The following LACRT variants were observed in gnomAD, a reference collection of about 807,000 sequenced individuals.
LACRT encodes lacritin, also known as extracellular glycoprotein lacritin.
LACRT carries 14 observed loss-of-function variants against 14.5 expected under a neutral mutation model. The observed-to-expected ratio is 0.96, with a 90% CI of 0.64 to 1.51. The LOEUF (loss-of-function observed/expected upper bound fraction) is 1.51, where lower values mean the gene tolerates loss of function less well. Ranked by LOEUF, LACRT falls within the 40% of genes most tolerant of loss-of-function variation. The pLI is 0.00. For missense variants in LACRT, 156 were observed against 161.8 expected, an observed-to-expected ratio of 0.96 and a Z score of 0.19; for synonymous variants, 70 against 63.5, an observed-to-expected ratio of 1.10 and a Z score of -0.48.
At chr12:54,634,011 A>C (rs1958170861) in intron 1 of LACRT, among the ~76,000 whole-genome samples, 1 of 152,132 alleles carries the variant, frequency 6.6e-6, no homozygotes, top group Non-Finnish European at 1.5e-5. Flanking sequence ...CCTGATGTTC[A>C]AGGAACAGCA....
At chr12:54,632,533 T>A in intron 2 of LACRT, 152 bp from the exon 3 acceptor site, 1 of 894,280 alleles carries the variant, frequency 1.1e-6, no homozygotes, top group Non-Finnish European at 1.7e-6. Flanking sequence ...GGAGATAGCA[T>A]TTCTGCATGC....
chr12:54,632,431 C>G, intron 2 of LACRT, 50 bp from the exon 3 acceptor site: 2 of 1,605,750 alleles, frequency 1.2e-6, no homozygotes, highest in Non-Finnish European at 1.7e-6. Flanking sequence ...GTGTTTGTTT[C>G]TTTTGGAATG....
Position 54,632,347 on chromosome 12 carries a change from T to C in LACRT, c.147A>G (p.Glu49=). Residue 49 remains glutamate, a synonymous_variant, in exon 3 of 5, where the codon GAA becomes GAG. Transcript: ENST00000257867. The part of the protein sequence containing the change: ...KPNEEISGPA[E]PASPPETTTT... ...TGGTTGTCTCTGGGGGTGAAGCTGG[T>C]TCTGCTGGACCTGAGATCTCTTCAT... 6.2e-7 allele frequency: 1 copy of C among 1,614,132 alleles called. No individual in the cohort carries two copies. The highest frequency in any genetic ancestry group is 1.7e-5 in the Admixed American group (1 of 60,006).
chr12:54,632,198 G>A lies in LACRT; in HGVS notation c.253+43C>T, dbSNP rs1212407146. On this transcript the variant is annotated intron_variant, in intron 3 of 4. Transcript: ENST00000257867. Reference sequence around the variant, plus strand: ...GGTGTGATGTGGGCCTGCAGCCAGAGACTTTTCTAGGTTGTTGATCTGGCA... The same window carrying A: ...GGTGTGATGTGGGCCTGCAGCCAGAAACTTTTCTAGGTTGTTGATCTGGCA... 5.0e-6 allele frequency: 8 copies of A among 1,608,184 alleles called. No individual in the cohort carries two copies. In the African/African-American group the frequency reaches 5.4e-5, roughly 11 times the overall value.
chr12:54,634,845 T>G lies in LACRT; in HGVS notation c.-4A>C, dbSNP rs772393088. The G allele has an allele frequency of 8.7e-6, 14 of 1,612,242 alleles. No individual in the cohort carries two copies. Among genetic ancestry groups the G allele is most frequent in the Middle Eastern group, 1.7e-4 (1 of 6,050 alleles). On this transcript the variant is annotated 5_prime_UTR_variant, in exon 1 of 5. Coordinates refer to ENST00000257867, the MANE Select transcript of LACRT (RefSeq NM_033277.2). ...AGAGGAGAGTGGTAAATTTCATTCT[T>G]TGGGATGAGGAGTGAGTATAACCAC...
intron 1 of LACRT, among the ~76,000 whole-genome samples, chr12:54,633,803 G>C (rs1958169210): frequency 2.6e-5 from 4 of 152,182 alleles, no homozygotes; most frequent in Admixed American, 1.3e-4. Flanking sequence ...TGCTGGAAGG[G>C]AACGTGCAGC....
chr12:54,634,282 G>A (rs995775348), intron 1 of LACRT, among the ~76,000 whole-genome samples: 2 of 151,548 alleles, frequency 1.3e-5, no homozygotes, highest in Middle Eastern at 3.4e-3. Flanking sequence ...AACCCAGGAG[G>A]TGGATGTTGC....
intron 2 of LACRT, among the ~76,000 whole-genome samples, chr12:54,632,645 C>A (rs531440885): frequency 9.2e-5 from 14 of 152,134 alleles, no homozygotes; most frequent in African/African-American, 2.7e-4. Context: ...ATCTTGAAGG[C>A]AGGATGTTAG....
intron 3 of LACRT, 99 bp downstream of exon 3, chr12:54,632,142 G>A (rs1193822295): frequency 7.2e-7 from 1 of 1,396,794 alleles, no homozygotes; most frequent in African/African-American, 1.4e-5. Context: ...GAGTCTACCT[G>A]CTTCTCACCA....
rs1422641161 is a variant in LACRT, at chr12:54,632,224, T to C, written c.253+17A>G. 9 of 1,613,698 alleles carry C rather than the reference T, an allele frequency of 5.6e-6. No individual in the cohort carries two copies. In the South Asian group the frequency reaches 8.8e-5, roughly 16 times the overall value. On this transcript the variant is annotated intron_variant, in intron 3 of 4. Transcript: ENST00000257867. ...ACTTTTCTAGGTTGTTGATCTGGCA[T>C]AGAGACAGAGACTTACTCAGGGGGT...
intron 1 of LACRT, among the ~76,000 whole-genome samples, chr12:54,634,574 G>C (rs933183272): frequency 1.3e-5 from 2 of 152,160 alleles, no homozygotes; most frequent in African/African-American, 4.8e-5. Context: ...GAGGAGATGA[G>C]CTGGGAGGGC....
intron 2 of LACRT, 62 bp downstream of exon 2, chr12:54,633,118 C>T (rs1958163817): frequency 1.5e-5 from 23 of 1,519,284 alleles, no homozygotes; most frequent in Non-Finnish European, 2.1e-5. Flanking sequence ...AGCCACCACT[C>T]ACATCCCTAA....
At chr12:54,633,061 A>G in intron 2 of LACRT, 119 bp downstream of exon 2, 1 of 973,500 alleles carries the variant, frequency 1.0e-6, no homozygotes. Flanking sequence ...CCTCCCCATT[A>G]CCACCAAGCA....
chr12:54,633,943 G>T (rs548448863), intron 1 of LACRT, among the ~76,000 whole-genome samples: 1 of 152,248 alleles, frequency 6.6e-6, no homozygotes, highest in East Asian at 1.9e-4. Context: ...AGTTGGTTGG[G>T]GGAAGGGGCC....
At chr12:54,631,097 T>C in intron 4 of LACRT, 144 bp from the exon 5 acceptor site, 1 of 639,618 alleles carries the variant, frequency 1.6e-6, no homozygotes, top group Non-Finnish European at 2.8e-6. Flanking sequence ...GGATTGAGAT[T>C]AGATTCACCA....
chr12:54,633,872 T>TG (rs1958169764), intron 1 of LACRT, among the ~76,000 whole-genome samples: 2 of 152,116 alleles, frequency 1.3e-5, no homozygotes, highest in Non-Finnish European at 1.5e-5. Context: ...AAGGCCTTTT[T>TG]GGGGAATTAT....
chr12:54,634,746 A>T, intron 1 of LACRT, 38 bp downstream of exon 1: 2 of 1,585,992 alleles, frequency 1.3e-6, no homozygotes, highest in Non-Finnish European at 8.7e-7. Context: ...TTGGACTGGG[A>T]GGACTCTTGT....
At chr12:54,631,934 C>T (rs921253549) in intron 3 of LACRT, 95 bp from the exon 4 acceptor site, 5 of 739,894 alleles carry the variant, frequency 6.8e-6, no homozygotes, top group East Asian at 2.8e-5. Flanking sequence ...CCCACCCCCA[C>T]TCCACCCAGG....
Position 54,632,323 on chromosome 12 carries a change from G to T in LACRT, c.171C>A (p.Thr57=), listed in dbSNP as rs1958158097. The change falls in exon 3 of 5, where the codon ACC becomes ACA. Residue 57 remains threonine, a synonymous_variant. Coordinates refer to ENST00000257867, the MANE Select transcript of LACRT (RefSeq NM_033277.2). ...PAEPASPPET[T]TTAQETSAAA... ...CCGCCGAAGTCTCCTGGGCTGTTGT[G>T]GTTGTCTCTGGGGGTGAAGCTGGTT... 2 of 1,614,108 alleles carry T rather than the reference G, an allele frequency of 1.2e-6. No individual in the cohort carries two copies. Among genetic ancestry groups the T allele is most frequent in the Non-Finnish European group, 1.7e-6 (2 of 1,180,016 alleles).
Sources: allele counts gnomAD v4.1 joint callset (sites outside exome capture counted in the v4.1 genomes callset), GRCh38; gene constraint gnomAD v4.1.1; transcripts MANE v1.5; gene names NCBI Gene and HGNC (gene_info 2026-07-23, HGNC 2026-07-21).